Variants in CPED1 observed in about 807,000 individuals in gnomAD.
CPED1 encodes the protein cadherin-like and PC-esterase domain-containing protein 1.
In CPED1, 114 loss-of-function variants were observed where a neutral mutation model predicts 128.2. The observed-to-expected ratio is 0.89, with a 90% CI of 0.76 to 1.04. The LOEUF (loss-of-function observed/expected upper bound fraction) is 1.04. CPED1 is among the 50% of genes least tolerant of loss of function. The probability of loss-of-function intolerance (pLI) is 0.00; values close to 1 mark genes in which losing one functional copy is unlikely to be tolerated. For synonymous variants in CPED1, 462 were observed against 426.7 expected, an observed-to-expected ratio of 1.08 and a Z score of -1.02; for missense variants, 1,211 against 1,207.1, an observed-to-expected ratio of 1.00 and a Z score of -0.05.
At chr7:120,989,188 T>C (rs1796268963) in intron 1 of CPED1, 1 of 167,072 alleles carries the variant, frequency 6.0e-6, no homozygotes, top group Non-Finnish European at 1.3e-5. Context: ...TCTTTTGCGT[T>C]CTTCAATGCT....
chr7:121,014,870 C>G (rs957587638), intron 2 of CPED1, among the ~76,000 whole-genome samples: 1 of 152,158 alleles, frequency 6.6e-6, no homozygotes, highest in Admixed American at 6.5e-5. Context: ...TAAAAATCAT[C>G]TGTACTTTAC....
chr7:121,044,363 C>T (rs531731538), intron 3 of CPED1, among the ~76,000 whole-genome samples: 9 of 152,008 alleles, frequency 5.9e-5, no homozygotes, highest in South Asian at 2.1e-4. Context: ...AGGAAACAAT[C>T]GGCATTTTTA....
At chr7:121,227,309 A>G (rs1018610520) in intron 16 of CPED1, among the ~76,000 whole-genome samples, 1 of 152,010 alleles carries the variant, frequency 6.6e-6, no homozygotes, top group African/African-American at 2.4e-5. Flanking sequence ...CTTCAATCAG[A>G]AGCCGTGTTT....
At chr7:121,162,836 A>G (rs10274123) in intron 16 of CPED1, among the ~76,000 whole-genome samples, 15,915 of 152,218 alleles carry the variant, frequency 0.1, 1,411 homozygotes, top group African/African-American at 0.24. Context: ...CTTTCCTGGG[A>G]GTTCCTGTGA....
chr7:121,002,475 G>A (rs1791887014), intron 2 of CPED1, among the ~76,000 whole-genome samples: 1 of 151,996 alleles, frequency 6.6e-6, no homozygotes, highest in South Asian at 2.1e-4. Flanking sequence ...ACTATCTTTT[G>A]TTTTTCTGAA....
intron 16 of CPED1, among the ~76,000 whole-genome samples, chr7:121,179,673 A>G (rs898892074): frequency 6.6e-6 from 1 of 152,124 alleles, no homozygotes; most frequent in African/African-American, 2.4e-5. Flanking sequence ...AGGATGAATA[A>G]CAGCTCAATG....
chr7:121,074,907 G>A (rs1794084097), intron 5 of CPED1, among the ~76,000 whole-genome samples: 1 of 152,144 alleles, frequency 6.6e-6, no homozygotes, highest in South Asian at 2.1e-4. Flanking sequence ...ACACCTGCTT[G>A]TGTAGCTGCA....
At chr7:121,052,712 T>C (rs1793390120) in intron 4 of CPED1, among the ~76,000 whole-genome samples, 1 of 152,186 alleles carries the variant, frequency 6.6e-6, no homozygotes. Context: ...TATTCTCTTT[T>C]AAAAATTTAA....
chr7:121,135,899 A>G (rs1008732990), intron 13 of CPED1, 141 bp from the exon 14 acceptor site: 15 of 493,882 alleles, frequency 3.0e-5, no homozygotes, highest in Non-Finnish European at 4.0e-5. Context: ...TGTAGTTTAC[A>G]GTTTGACTTA....
intron 16 of CPED1, among the ~76,000 whole-genome samples, chr7:121,184,890 C>T (rs1796970229): frequency 6.6e-6 from 1 of 152,070 alleles, no homozygotes; most frequent in Non-Finnish European, 1.5e-5. Context: ...TGACTATATA[C>T]TTGAAAGCAT....
At chr7:121,260,280 A>C (rs1395571531) in intron 18 of CPED1, among the ~76,000 whole-genome samples, 1 of 115,466 alleles carries the variant, frequency 8.7e-6, no homozygotes, top group Non-Finnish European at 1.7e-5. Flanking sequence ...TGATTTGCCT[A>C]AGTGTCAATC....
intron 2 of CPED1, among the ~76,000 whole-genome samples, chr7:120,996,656 T>G (rs1585006990): frequency 6.6e-6 from 1 of 152,192 alleles, no homozygotes; most frequent in African/African-American, 2.4e-5. Context: ...TTAGTAAATA[T>G]CACATGAGCA....
At chr7:121,246,762 A>T (rs1201581929) in intron 18 of CPED1, among the ~76,000 whole-genome samples, 1 of 152,200 alleles carries the variant, frequency 6.6e-6, no homozygotes, top group Non-Finnish European at 1.5e-5. Flanking sequence ...GTGGTTAAAA[A>T]AAAAAGATCA....
chr7:120,993,976 G>T (rs377067696), intron 2 of CPED1: 1 of 330,484 alleles, frequency 3.0e-6, no homozygotes, highest in South Asian at 2.2e-5. Context: ...CAGGTGCAAA[G>T]GTGAAGTGGA....
At chr7:121,243,966 A>G (rs911692189) in intron 17 of CPED1, among the ~76,000 whole-genome samples, 1 of 152,226 alleles carries the variant, frequency 6.6e-6, no homozygotes, top group Admixed American at 6.5e-5. Context: ...ATAAGGTTTC[A>G]TGGAACAGAG....
At chr7:121,007,294 C>T (rs1203722802) in intron 2 of CPED1, among the ~76,000 whole-genome samples, 1 of 127,804 alleles carries the variant, frequency 7.8e-6, no homozygotes, top group African/African-American at 2.9e-5. Context: ...CTCCTCTCTT[C>T]TTCCTTCAGT....
rs1450957943 is a variant in CPED1, at chr7:121,117,100, A to ATATATATAT, written c.919-7231_919-7230insTATATATAT. The stretch of plus-strand genomic sequence containing the variant: ...CATTATATATATATATATATATATA[A>ATATATATAT]ATATATATATATATGTTTGAGATGG... On this transcript the variant is annotated intron_variant, in intron 7 of 22. Coordinates refer to ENST00000310396, the MANE Select transcript of CPED1 (RefSeq NM_024913.5). Among the ~76,000 whole-genome samples, 18 of 70,640 alleles carry ATATATATAT rather than the reference A, an allele frequency of 2.5e-4. No individual in the cohort carries two copies. In the East Asian group the frequency reaches 3.5e-3, roughly 14 times the overall value. 46.3% of individuals were successfully genotyped at this position (70,640 alleles called of 152,430 possible).
intron 3 of CPED1, among the ~76,000 whole-genome samples, chr7:121,028,263 C>A (rs1041123072): frequency 1.3e-5 from 2 of 152,106 alleles, no homozygotes; most frequent in Admixed American, 1.3e-4. Context: ...GTCCTGGGAC[C>A]ACGTGTTGAG....
Position 121,201,176 on chromosome 7 carries a change from A to G in CPED1, c.2056-35538A>G, listed in dbSNP as rs562660651. 2.8e-4 allele frequency among the ~76,000 whole-genome samples: 42 copies of G among 152,216 alleles called. No homozygotes were observed. The South Asian group carries it at 8.5e-3, about 31-fold the overall frequency. On this transcript the variant is annotated intron_variant, in intron 16 of 22. Coordinates refer to ENST00000310396, the MANE Select transcript of CPED1 (RefSeq NM_024913.5). ...TTAGGGAACAAACTCTAGAAAATGT[A>G]CTTTTCTATCGAGACACCCCAAGAA...
Sources: gnomAD v4.1 joint callset for allele counts (sites outside exome capture counted in the v4.1 genomes callset) on GRCh38, gnomAD v4.1.1 for gene constraint, MANE v1.5 for transcripts, NCBI Gene and HGNC (gene_info 2026-07-23, HGNC 2026-07-21) for gene names.